VPS8: variants seen among roughly 807,000 people sequenced by gnomAD.
VPS8 encodes VPS8 subunit of CORVET complex.
Under a neutral mutation model 216.4 loss-of-function variants are expected in VPS8, and 129 were observed. The ratio of observed to expected loss-of-function variants is 0.60; its 90% confidence interval spans 0.52 to 0.69. The LOEUF (loss-of-function observed/expected upper bound fraction) is 0.69, where lower values mean the gene tolerates loss of function less well. VPS8 is among the 30% of genes least tolerant of loss of function. The pLI, the probability that VPS8 is intolerant of heterozygous loss-of-function variation, is 0.00. For synonymous variants in VPS8, 571 were observed against 565.4 expected (o/e 1.01, Z -0.14); for missense variants, 1,531 against 1,683.5 (o/e 0.91, Z 1.59).
chr3:184,814,132 T>C (rs1042034174), intron 1 of VPS8, among the ~76,000 whole-genome samples: 1 of 152,260 alleles, frequency 6.6e-6, no homozygotes, highest in African/African-American at 2.4e-5. Flanking sequence ...AATTATACTT[T>C]TTTAGTCAAA....
chr3:184,829,263 GAGTGC>G (rs1719474240), intron 3 of VPS8, among the ~76,000 whole-genome samples: 1 of 152,100 alleles, frequency 6.6e-6, no homozygotes, highest in South Asian at 2.1e-4. Context: ...ACCCAGGCTG[GAGTGC>G]AGTGGCGCGA....
At chr3:184,970,845 C>A (rs1231066749) in intron 39 of VPS8, among the ~76,000 whole-genome samples, 1 of 152,116 alleles carries the variant, frequency 6.6e-6, no homozygotes, top group Non-Finnish European at 1.5e-5. Flanking sequence ...ATTGCAGTAG[C>A]ATAGACGAGG....
At chr3:184,921,937 C>T (rs1258260605) in intron 29 of VPS8, among the ~76,000 whole-genome samples, 4 of 152,090 alleles carry the variant, frequency 2.6e-5, no homozygotes, top group South Asian at 2.1e-4. Context: ...CTGCCATACC[C>T]GTCTAAACTG....
intron 36 of VPS8, among the ~76,000 whole-genome samples, chr3:184,949,544 C>T (rs769005527): frequency 1.4e-4 from 22 of 151,900 alleles, no homozygotes; most frequent in Admixed American, 2.6e-4. Flanking sequence ...TGGATCGTGG[C>T]GGTCTTGGTG....
intron 46 of VPS8, among the ~76,000 whole-genome samples, chr3:185,025,233 C>T (rs564815510): frequency 2.5e-4 from 38 of 152,304 alleles, no homozygotes; most frequent in African/African-American, 9.1e-4. Flanking sequence ...GTCAAGAGAA[C>T]CACTAAAATC....
At chr3:184,832,934 A>T (rs1353168715) in intron 4 of VPS8, 115 bp downstream of exon 4, 4 of 1,287,420 alleles carry the variant, frequency 3.1e-6, no homozygotes, top group Non-Finnish European at 4.3e-6. Flanking sequence ...CATGGGAAGT[A>T]GAAGGGATAT....
intron 46 of VPS8, among the ~76,000 whole-genome samples, chr3:185,042,147 G>T (rs1293921148): frequency 6.6e-6 from 1 of 152,180 alleles, no homozygotes; most frequent in Non-Finnish European, 1.5e-5. Context: ...AACTGATGGT[G>T]GGTATTATTC....
intron 46 of VPS8, among the ~76,000 whole-genome samples, chr3:185,033,484 T>C (rs189393137): frequency 4.1e-4 from 63 of 152,368 alleles, no homozygotes; most frequent in African/African-American, 1.4e-3. Context: ...TTGAGTGATA[T>C]TCTCTTGTCT....
intron 1 of VPS8, among the ~76,000 whole-genome samples, chr3:184,819,192 T>G (rs1419407009): frequency 6.6e-6 from 1 of 152,188 alleles, no homozygotes; most frequent in African/African-American, 2.4e-5. Context: ...TATCAAGATG[T>G]CAGATAATCT....
intron 45 of VPS8, among the ~76,000 whole-genome samples, chr3:185,002,733 T>C (rs1753584683): frequency 6.6e-6 from 1 of 152,208 alleles, no homozygotes; most frequent in Admixed American, 6.5e-5. Context: ...TTACTTCACT[T>C]AGAATAATGG....
chr3:184,929,906 TTAG>T, intron 33 of VPS8, among the ~76,000 whole-genome samples: 1 of 152,146 alleles, frequency 6.6e-6, no homozygotes, highest in Admixed American at 6.5e-5. Flanking sequence ...GAGTGCTACT[TTAG>T]AGGATGATGG....
Position 184,894,726 on chromosome 3 carries a change from A to G in VPS8, c.1805A>G (p.Tyr602Cys). 4 of 1,604,326 alleles carry G rather than the reference A, an allele frequency of 2.5e-6. No individual in the cohort carries two copies. Among genetic ancestry groups the G allele is most frequent in the Non-Finnish European group, 3.4e-6 (4 of 1,174,758 alleles). Residue 602 changes from tyrosine to cysteine, a missense_variant, in exon 23 of 48, where the codon TAT becomes TGT. By Grantham distance (194) the Tyr-to-Cys change is radical. Coordinates refer to ENST00000625842, the MANE Select transcript of VPS8 (RefSeq NM_001009921.3). ...AGGGATCTTTTATTTAGTCAGATGT[A>G]TGATAAATTAAGTGAGAATTCAGTG... ...QRKDLLFSQM[Y>C]DKLSENSVAK... is the part of the protein sequence containing the mutation.
chr3:184,959,672 A>G (rs996906601), intron 37 of VPS8, among the ~76,000 whole-genome samples: 1 of 152,080 alleles, frequency 6.6e-6, no homozygotes, highest in Non-Finnish European at 1.5e-5. Context: ...CAGGTTAGCA[A>G]TTTTATGAGG....
Position 184,859,991 on chromosome 3 carries a change from A to G in VPS8, c.1150A>G (p.Arg384Gly), listed in dbSNP as rs779655187. Residue 384 changes from arginine to glycine, a missense_variant, in exon 15 of 48, where the codon AGA becomes GGA. Arg to Gly is a moderately radical substitution (Grantham distance 125). Coordinates refer to ENST00000625842, the MANE Select transcript of VPS8 (RefSeq NM_001009921.3). ...GDVVHFLLVK[R>G]DESGAIHVTK... is the part of the protein sequence containing the mutation. Reference sequence around the variant, plus strand: ...GTTTTTATTTCATCATCAGGTAAAGAGAGATGAATCTGGAGCAATACATGT... The same window carrying G: ...GTTTTTATTTCATCATCAGGTAAAGGGAGATGAATCTGGAGCAATACATGT... 2 of 1,612,994 alleles carry G rather than the reference A, an allele frequency of 1.2e-6. No individual in the cohort carries two copies. The highest frequency in any genetic ancestry group is 1.1e-5 in the South Asian group (1 of 90,934).
At chr3:184,962,178 C>T (rs968596613) in intron 37 of VPS8, among the ~76,000 whole-genome samples, 1 of 152,194 alleles carries the variant, frequency 6.6e-6, no homozygotes. Context: ...TGTTGGTAAA[C>T]ATTTAGATTG....
chr3:184,850,289 A>T (rs2108653026), intron 10 of VPS8, among the ~76,000 whole-genome samples: 1 of 152,346 alleles, frequency 6.6e-6, no homozygotes, highest in East Asian at 1.9e-4. Flanking sequence ...TACAGCGGCA[A>T]AAAGGGCAAA....
intron 47 of VPS8, 118 bp from the exon 48 acceptor site, chr3:185,051,758 C>A: frequency 8.1e-7 from 1 of 1,241,018 alleles, no homozygotes; most frequent in Non-Finnish European, 1.1e-6. Flanking sequence ...TCAAACCCTG[C>A]ATGTTACTAC....
intron 45 of VPS8, among the ~76,000 whole-genome samples, chr3:185,018,516 G>A (rs1756159277): frequency 6.6e-6 from 1 of 152,194 alleles, no homozygotes; most frequent in African/African-American, 2.4e-5. Context: ...CCTGGGCGTT[G>A]CAAGCAGCCT....
chr3:184,960,360 CAAAAT>C (rs1746315402), intron 37 of VPS8, among the ~76,000 whole-genome samples: 3 of 152,068 alleles, frequency 2.0e-5, no homozygotes, highest in Non-Finnish European at 2.9e-5. Context: ...AAAAAAGCGT[CAAAAT>C]AAAGTAACTG....
Sources: allele counts gnomAD v4.1 joint callset (sites outside exome capture counted in the v4.1 genomes callset), GRCh38; gene constraint gnomAD v4.1.1; transcripts MANE v1.5; gene names NCBI Gene and HGNC (gene_info 2026-07-23, HGNC 2026-07-21).